Variants in TTC7A observed in about 807,000 individuals in gnomAD.
TTC7A encodes tetratricopeptide repeat protein 7A.
A neutral mutation model predicts 103.7 loss-of-function variants in TTC7A; 110 were observed. The ratio of observed to expected loss-of-function variants is 1.06; its 90% CI spans 0.91 to 1.24. The LOEUF (loss-of-function observed/expected upper bound fraction) is 1.24. Ranked by LOEUF, TTC7A falls within the 50% of genes most tolerant of loss-of-function variation. The probability of loss-of-function intolerance (pLI) is 0.00; values close to 1 mark genes in which losing one functional copy is unlikely to be tolerated. For synonymous variants in TTC7A, 521 were observed against 467.9 expected, an observed-to-expected ratio of 1.11 and a Z score of -1.47; for missense variants, 1,340 against 1,116.3, an observed-to-expected ratio of 1.20 and a Z score of -2.86.
intron 1 of TTC7A, among the ~76,000 whole-genome samples, chr2:46,944,790 C>G (rs187335928): frequency 6.6e-6 from 1 of 152,282 alleles, no homozygotes; most frequent in African/African-American, 2.4e-5. Flanking sequence ...ATTCTCCTAC[C>G]TCGGCCTCCC....
Position 47,050,006 on chromosome 2 carries a change from C to G in TTC7A, c.1977C>G (p.Gly659=), listed in dbSNP as rs749228294. The G allele has an allele frequency of 6.2e-7, 1 of 1,614,180 alleles. No homozygotes were observed. Among genetic ancestry groups the G allele is most frequent in the Non-Finnish European group, 8.5e-7 (1 of 1,180,042 alleles). ...GCCTCACCATGAAGAAGCAGAGTGG[C>G]ATGCACCTGACTTTGCCTGATGCCC... ...GEGLTMKKQS[G]MHLTLPDAHD... is the part of the protein sequence containing the mutation. Residue 659 remains glycine (G), a synonymous_variant, in exon 17 of 20, where the codon GGC becomes GGG. Transcript: ENST00000319190.
At chr2:46,932,884 G>A (rs1487253827) in intron 2 of TTC7A, among the ~76,000 whole-genome samples, 1 of 145,200 alleles carries the variant, frequency 6.9e-6, no homozygotes, top group Non-Finnish European at 1.5e-5. Context: ...CTGAGCAACA[G>A]AGTGAGACTC....
intron 6 of TTC7A, 190 bp from the exon 7 acceptor site, chr2:46,994,167 G>T (rs553944433): frequency 1.6e-6 from 1 of 628,928 alleles, no homozygotes; most frequent in Non-Finnish European, 2.8e-6. Flanking sequence ...CAGCAGAGGG[G>T]TGGGAGCGCC....
chr2:47,051,933 C>G lies in TTC7A; in HGVS notation c.2152+53C>G, dbSNP rs191606388. The G allele has an allele frequency of 2.4e-4, 366 of 1,555,700 alleles. No homozygotes were observed. The Admixed American group carries it at 2.8e-3, about 12-fold the overall frequency. On this transcript the variant is annotated intron_variant, in intron 18 of 19. Coordinates refer to ENST00000319190, the MANE Select transcript of TTC7A (RefSeq NM_020458.4). ...ACAGCCTGTCTGCAGGCCACCCATG[C>G]TCTCAGAGCCCTGTCCTGGAGAAGG...
chr2:46,995,160 C>T lies in TTC7A; in HGVS notation c.1026C>T (p.Ile342=), dbSNP rs151317740. 1.8e-3 allele frequency: 2,885 copies of T among 1,614,168 alleles called. 2 individuals carry two copies. Among genetic ancestry groups the T allele is most frequent in the Middle Eastern group, 2.3e-3 (14 of 6,062 alleles). Residue 342 remains isoleucine (I), a synonymous_variant, in exon 8 of 20, where the codon ATC becomes ATT. Coordinates refer to ENST00000319190, the MANE Select transcript of TTC7A (RefSeq NM_020458.4). The part of the protein sequence containing the change: ...GDNLYCPKDN[I]EEALLLLLIS... ...GCCTCTACTGCCCCAAGGACAACAT[C>T]GAGGAAGCCCTCCTGCTCCTCCTCA...
intron 14 of TTC7A, 45 bp from the exon 15 acceptor site, chr2:47,029,179 C>A: frequency 3.1e-6 from 5 of 1,605,250 alleles, no homozygotes; most frequent in Non-Finnish European, 4.3e-6. Context: ...AGTCCCAGGG[C>A]AGCATGTGCC....
At chr2:47,004,517 G>A (rs1572878967) in intron 8 of TTC7A, among the ~76,000 whole-genome samples, 2 of 152,260 alleles carry the variant, frequency 1.3e-5, no homozygotes, top group Non-Finnish European at 1.5e-5. Context: ...TTTTAGGGCT[G>A]GCAGCTCCTT....
intron 2 of TTC7A, among the ~76,000 whole-genome samples, chr2:46,950,743 A>G (rs546902731): frequency 6.6e-6 from 1 of 152,368 alleles, no homozygotes; most frequent in African/African-American, 2.4e-5. Flanking sequence ...AGCATACACA[A>G]GGTTTCAAAG....
At chr2:46,937,798 G>A (rs1234735837), upstream of TTC7A, among the ~76,000 whole-genome samples, 3 of 152,226 alleles carry the variant, frequency 2.0e-5, no homozygotes, top group East Asian at 5.8e-4. This position sits in a 1 kb window ranked among gnomAD's most constrained non-coding sequence, Gnocchi z 4.0. Context: ...GGGAAGCTGT[G>A]AACGTTAGTC....
intron 3 of TTC7A, among the ~76,000 whole-genome samples, chr2:46,961,500 C>T (rs185991881): frequency 2.6e-5 from 4 of 151,766 alleles, no homozygotes; most frequent in East Asian, 1.9e-4. Flanking sequence ...TGGCATGAAC[C>T]CGGGAGGCGG....
intron 18 of TTC7A, among the ~76,000 whole-genome samples, chr2:47,059,009 CTTTTTTTTTTT>C (rs35753980): frequency 2.2e-5 from 1 of 44,718 alleles, no homozygotes; most frequent in African/African-American, 1.2e-4. Flanking sequence ...CCTAAGCCTG[CTTTTTTTTTTT>C]TTTTTTTTTT....
chr2:47,072,074 T>C (rs1684783177), intron 19 of TTC7A, among the ~76,000 whole-genome samples: 1 of 152,184 alleles, frequency 6.6e-6, no homozygotes, highest in Non-Finnish European at 1.5e-5. Context: ...CCGTGTTCCA[T>C]TGTGAGCTGC....
At chr2:47,051,628 C>A in intron 17 of TTC7A, 118 bp from the exon 18 acceptor site, 1 of 1,308,302 alleles carries the variant, frequency 7.6e-7, no homozygotes, top group Non-Finnish European at 1.0e-6. Flanking sequence ...CCAGCCGCAC[C>A]ACCCTACCCT....
chr2:47,051,147 G>A (rs972221469), intron 17 of TTC7A, among the ~76,000 whole-genome samples: 1 of 152,142 alleles, frequency 6.6e-6, no homozygotes, highest in African/African-American at 2.4e-5. Flanking sequence ...ATGAGAATAT[G>A]CACTTGTGAA....
intron 3 of TTC7A, among the ~76,000 whole-genome samples, chr2:46,960,271 T>C (rs1305782503): frequency 1.3e-5 from 2 of 152,226 alleles, no homozygotes; most frequent in African/African-American, 2.4e-5. Flanking sequence ...AGTAATGCCC[T>C]GTTCTGTGGT....
rs1010121180 is a variant in TTC7A, at chr2:46,972,885, C to T, written c.518-2088C>T. 2.0e-5 allele frequency among the ~76,000 whole-genome samples: 3 copies of T among 152,108 alleles called. No individual in the cohort carries two copies. The East Asian group carries it at 5.8e-4, about 29-fold the overall frequency. On this transcript the variant is annotated intron_variant, in intron 3 of 19. Coordinates refer to ENST00000319190, the MANE Select transcript of TTC7A (RefSeq NM_020458.4). ...GCTAGTTGGAGAGAGAAGAGCTGGC[C>T]GGAGATGACCAAAATATAGTGTAGA...
At chr2:46,942,764 C>G (rs576696709) in intron 1 of TTC7A, among the ~76,000 whole-genome samples, 1 of 152,198 alleles carries the variant, frequency 6.6e-6, no homozygotes, top group South Asian at 2.1e-4. Flanking sequence ...ATCACTTGCA[C>G]TATTACCTCT....
intron 2 of TTC7A, among the ~76,000 whole-genome samples, chr2:46,928,907 A>C (rs1669545697): frequency 6.6e-6 from 1 of 152,252 alleles, no homozygotes; most frequent in Non-Finnish European, 1.5e-5. Context: ...TCATGCCTGC[A>C]ATCCCAGCAC....
intron 19 of TTC7A, among the ~76,000 whole-genome samples, chr2:47,067,571 T>G (rs1684283400): frequency 6.6e-6 from 1 of 152,072 alleles, no homozygotes; most frequent in Non-Finnish European, 1.5e-5. Flanking sequence ...TTAAAATGAG[T>G]ATCAGAGCTG....
Sources: gnomAD v4.1 joint callset for allele counts (sites outside exome capture counted in the v4.1 genomes callset) on GRCh38, gnomAD v4.1.1 for gene constraint, Gnocchi (gnomAD v3.1) non-coding constraint, MANE v1.5 for transcripts, NCBI Gene and HGNC (gene_info 2026-07-23, HGNC 2026-07-21) for gene names.